TTC9: variants seen among roughly 807,000 people sequenced by gnomAD.
TTC9 encodes the protein tetratricopeptide repeat protein 9A.
In TTC9, 13 loss-of-function variants were observed where a neutral mutation model predicts 22.9. That is an observed-to-expected ratio of 0.57 (90% CI 0.37 to 0.90). The LOEUF (loss-of-function observed/expected upper bound fraction) is 0.90, where lower values mean the gene tolerates loss of function less well. Among genes scored for constraint, TTC9 ranks in the 40% least tolerant of loss-of-function variants. TTC9 has a pLI of 0.01. For missense variants in TTC9, 280 were observed against 291.8 expected (o/e 0.96, Z 0.29); for synonymous variants, 148 against 133.2 (o/e 1.11, Z -0.77).
chr14:70,662,422 A>G (rs1339851552), intron 1 of TTC9, among the ~76,000 whole-genome samples: 2 of 141,324 alleles, frequency 1.4e-5, no homozygotes, highest in African/African-American at 6.4e-5. Flanking sequence ...CCAAAAAAAA[A>G]AAAAAAAAAA....
chr14:70,661,140 C>A (rs1464037777), intron 1 of TTC9, among the ~76,000 whole-genome samples: 2 of 152,164 alleles, frequency 1.3e-5, no homozygotes, highest in Non-Finnish European at 2.9e-5. Context: ...TAGCCCCAGG[C>A]ACTCACTGGC....
intron 1 of TTC9, among the ~76,000 whole-genome samples, chr14:70,659,132 G>GCGCGCACA (rs762892061): frequency 6.9e-5 from 10 of 144,226 alleles, no homozygotes; most frequent in African/African-American, 1.3e-4. Flanking sequence ...ACACACACAC[G>GCGCGCACA]CACACACACA....
chr14:70,655,491 T>G (rs1886051655), intron 1 of TTC9, among the ~76,000 whole-genome samples: 1 of 152,220 alleles, frequency 6.6e-6, no homozygotes, highest in African/African-American at 2.4e-5. Flanking sequence ...GTTTATTTCC[T>G]TGCCGTTTTT....
rs2139653042 is a variant in TTC9, at chr14:70,671,562, C to T, written c.*407C>T. The T allele has an allele frequency of 1.7e-5, 3 of 181,072 alleles. No homozygotes were observed. The South Asian group carries it at 3.7e-4, about 23-fold the overall frequency. The allele number at this position is 181,072 out of a possible 1,614,324, so 11.2% of individuals were successfully genotyped here. A position where few individuals can be genotyped will look rare whatever the true frequency, so the allele number is the denominator to read the frequency against. On this transcript the variant is annotated 3_prime_UTR_variant, in exon 3 of 3. Coordinates refer to ENST00000256367, the MANE Select transcript of TTC9 (RefSeq NM_015351.2). ...CATGGGCTGGATCCTTCCACACTTT[C>T]CTGACAGACCAGAACCAGAGCATCT...
At chr14:70,646,952 T>C (rs965611715) in intron 1 of TTC9, among the ~76,000 whole-genome samples, 1 of 152,222 alleles carries the variant, frequency 6.6e-6, no homozygotes, top group African/African-American at 2.4e-5. Context: ...GACTCTTTGT[T>C]GAAAAGGCAG....
intron 1 of TTC9, among the ~76,000 whole-genome samples, chr14:70,656,573 A>G (rs1886070257): frequency 6.6e-6 from 1 of 152,188 alleles, no homozygotes; most frequent in African/African-American, 2.4e-5. Flanking sequence ...GGAACAGGGA[A>G]CATGTCTCTG....
chr14:70,646,256 G>C (rs1308978710), intron 1 of TTC9, among the ~76,000 whole-genome samples: 1 of 152,160 alleles, frequency 6.6e-6, no homozygotes, highest in African/African-American at 2.4e-5. Context: ...ACGGAATTTT[G>C]AATGATCCTG....
At chr14:70,654,970 G>A (rs1317282796) in intron 1 of TTC9, among the ~76,000 whole-genome samples, 1 of 152,218 alleles carries the variant, frequency 6.6e-6, no homozygotes, top group African/African-American at 2.4e-5. Context: ...GTTGCAGACT[G>A]TTTACACATC....
intron 1 of TTC9, among the ~76,000 whole-genome samples, chr14:70,648,676 G>A (rs182470481): frequency 9.4e-4 from 143 of 152,308 alleles, no homozygotes; most frequent in African/African-American, 3.0e-3. Flanking sequence ...AAACAGCTAG[G>A]ATGAAAACTG....
chr14:70,642,467 G>A lies in TTC9; in HGVS notation c.338G>A (p.Gly113Asp), dbSNP rs1885833451. The change falls in exon 1 of 3, where the codon GGC becomes GAC. Residue 113 changes from glycine (G) to aspartate (D), a missense_variant. By Grantham distance (94) the Gly-to-Asp change is moderately conservative (BLOSUM62 -1). Around this residue, in one of 5 missense-constraint regions of TTC9, gnomAD observed 165 missense variants for 145.4 expected, o/e 1.14. Coordinates refer to ENST00000256367, the MANE Select transcript of TTC9 (RefSeq NM_015351.2). ...PASPAGALKPGRLSEEQSKTV... is the reference protein window; with the variant it reads ...PASPAGALKPDRLSEEQSKTV... ...TCCCCGGCTGGGGCCCTGAAGCCCG[G>A]CCGCCTCTCGGAGGAGCAGAGCAAG... 1 of 1,550,830 alleles carries A rather than the reference G, an allele frequency of 6.4e-7. No homozygotes were observed. Among genetic ancestry groups the A allele is most frequent in the African/African-American group, 1.4e-5 (1 of 72,204 alleles).
intron 1 of TTC9, among the ~76,000 whole-genome samples, chr14:70,657,989 G>T (rs536061474): frequency 1.3e-5 from 2 of 151,944 alleles, no homozygotes; most frequent in Non-Finnish European, 2.9e-5. Flanking sequence ...AACAAACAAA[G>T]AAACAGCCAC....
chr14:70,646,567 G>T (rs1885904585), intron 1 of TTC9, among the ~76,000 whole-genome samples: 1 of 152,220 alleles, frequency 6.6e-6, no homozygotes, highest in African/African-American at 2.4e-5. Flanking sequence ...TCGAATGCCA[G>T]CAGTAGAGAT....
chr14:70,642,122 G>T lies in TTC9; in HGVS notation c.-8G>T. On this transcript the variant is annotated 5_prime_UTR_variant, in exon 1 of 3. Coordinates refer to ENST00000256367, the MANE Select transcript of TTC9 (RefSeq NM_015351.2). ...GCGGCGCGCACCAGGCGCCGGGGCGGCGGCCGAATGGAGAGAAAGGGCTCG... is the reference window on the plus strand; with the variant it reads ...GCGGCGCGCACCAGGCGCCGGGGCGTCGGCCGAATGGAGAGAAAGGGCTCG... The T allele has an allele frequency of 8.9e-7, 1 of 1,120,306 alleles. No individual in the cohort carries two copies. 69.4% of individuals were successfully genotyped at this position (1,120,306 alleles called of 1,614,324 possible). A position where few individuals can be genotyped will look rare whatever the true frequency, so the allele number is the denominator to read the frequency against.
chr14:70,668,987 T>TAAAAATA (rs1354362106), intron 2 of TTC9, among the ~76,000 whole-genome samples: 74 of 151,756 alleles, frequency 4.9e-4, no homozygotes, highest in Non-Finnish European at 8.7e-4. Flanking sequence ...AAACCCCGTC[T>TAAAAATA]CTACTAAAAA....
Position 70,671,234 on chromosome 14 carries a change from A to G in TTC9, c.*79A>G, listed in dbSNP as rs1886290445. ...CCCCTGGCAGAGAGCCCCGTCCTGG[A>G]TTCTGTCCCTTTCTCCCCACTTCTT... On this transcript the variant is annotated 3_prime_UTR_variant, in exon 3 of 3. Transcript: ENST00000256367. 3.2e-6 allele frequency: 4 copies of G among 1,241,608 alleles called. No individual in the cohort carries two copies. The highest frequency in any genetic ancestry group is 3.5e-6 in the Non-Finnish European group (3 of 865,674). 76.9% of individuals were successfully genotyped at this position (1,241,608 alleles called of 1,614,324 possible).
chr14:70,658,827 G>T (rs183396977), intron 1 of TTC9, among the ~76,000 whole-genome samples: 1 of 152,258 alleles, frequency 6.6e-6, no homozygotes, highest in Non-Finnish European at 1.5e-5. Flanking sequence ...GCAGATGAAT[G>T]GGTAAACAAA....
chr14:70,660,034 AC>A (rs1447726113), intron 1 of TTC9, among the ~76,000 whole-genome samples: 39 of 152,322 alleles, frequency 2.6e-4, no homozygotes, highest in African/African-American at 8.7e-4. Context: ...AATAAAGATG[AC>A]CTGCTCTTCC....
At position 70,674,285 on chromosome 14, in the gene TTC9, T is replaced by C. The variant is rs559522701; in HGVS notation, c.*3130T>C. The C allele has an allele frequency of 1.3e-5, 2 of 152,288 alleles. No individual in the cohort carries two copies. Among genetic ancestry groups the C allele is most frequent in the African/African-American group, 4.8e-5 (2 of 41,570 alleles). 9.4% of individuals were successfully genotyped at this position (152,288 alleles called of 1,614,324 possible). On this transcript the variant is annotated 3_prime_UTR_variant, in exon 3 of 3. Coordinates refer to ENST00000256367, the MANE Select transcript of TTC9 (RefSeq NM_015351.2). The stretch of plus-strand genomic sequence containing the variant: ...AAAAACTAACGCTTTTTAATTATTG[T>C]GAAAGCATCATGTGTGTATTGTAGA...
chr14:70,660,196 A>G (rs4902837), intron 1 of TTC9, among the ~76,000 whole-genome samples: 145,929 of 152,274 alleles, frequency 0.96, 69,945 homozygotes, highest in Non-Finnish European at 0.97. Flanking sequence ...ATTTCAAATC[A>G]CTAACAAGAG....
Sources: gnomAD v4.1 joint callset for allele counts (sites outside exome capture counted in the v4.1 genomes callset) on GRCh38, gnomAD v4.1.1 for gene constraint, gnomAD v4.1.1 regional missense constraint, MANE v1.5 for transcripts, NCBI Gene and HGNC (gene_info 2026-07-23, HGNC 2026-07-21) for gene names.